The following STK3 variants were observed in gnomAD, a reference collection of about 807,000 sequenced individuals.
STK3 encodes the protein serine/threonine-protein kinase 3.
A neutral mutation model predicts 58.0 loss-of-function variants in STK3; 41 were observed. The ratio of observed to expected loss-of-function variants is 0.71; its 90% CI spans 0.55 to 0.92. The LOEUF (loss-of-function observed/expected upper bound fraction) is 0.92. Ranked by LOEUF, STK3 falls within the 40% of genes least tolerant of loss-of-function variation. STK3 has a pLI of 0.00. For missense variants in STK3, 479 were observed against 602.7 expected (o/e 0.79, Z 2.15); for synonymous variants, 170 against 191.0 (o/e 0.89, Z 0.91).
intron 1 of STK3, among the ~76,000 whole-genome samples, chr8:98,444,151 T>C (rs1249145750): frequency 6.6e-6 from 1 of 152,196 alleles, no homozygotes; most frequent in Non-Finnish European, 1.5e-5. Flanking sequence ...AGTAAGTAGA[T>C]ACCATAATGC....
At chr8:98,453,080 G>GTTTTT (rs919288019), downstream of STK3, among the ~76,000 whole-genome samples, 3 of 39,680 alleles carry the variant, frequency 7.6e-5, no homozygotes, top group Non-Finnish European at 1.4e-4. Context: ...TTTCTTTCTT[G>GTTTTT]TTTTTTTTTT....
At chr8:98,744,639 G>A (rs1040661145) in intron 4 of STK3, among the ~76,000 whole-genome samples, 2 of 150,040 alleles carry the variant, frequency 1.3e-5, no homozygotes, top group African/African-American at 4.9e-5. Flanking sequence ...GCTAAATGAC[G>A]AGTTAATGGG....
chr8:98,794,102 A>G (rs1313932206), intron 1 of STK3, among the ~76,000 whole-genome samples: 1 of 152,216 alleles, frequency 6.6e-6, no homozygotes, highest in Non-Finnish European at 1.5e-5. Flanking sequence ...ATCTCAAATC[A>G]ACAATCTATT....
intron 3 of STK3, among the ~76,000 whole-genome samples, chr8:98,857,882 G>A (rs189800045): frequency 1.2e-4 from 18 of 152,072 alleles, no homozygotes; most frequent in African/African-American, 4.3e-4. Flanking sequence ...ATTTTGATAG[G>A]AGGAGAATAA....
At chr8:98,772,089 T>A (rs887256669) in intron 2 of STK3, among the ~76,000 whole-genome samples, 1 of 152,242 alleles carries the variant, frequency 6.6e-6, no homozygotes, top group Non-Finnish European at 1.5e-5. Context: ...ATTCCATAGA[T>A]ACTGGCACAA....
intron 3 of STK3, among the ~76,000 whole-genome samples, chr8:98,421,761 G>A (rs1323336882): frequency 6.6e-6 from 1 of 152,066 alleles, no homozygotes; most frequent in Non-Finnish European, 1.5e-5. Context: ...GGGTGACAGA[G>A]GAAGACTCTG....
At chr8:98,924,954 A>T (rs1192895818) in intron 1 of STK3, among the ~76,000 whole-genome samples, 2 of 152,210 alleles carry the variant, frequency 1.3e-5, no homozygotes, top group Admixed American at 6.5e-5. Flanking sequence ...AAGGGAGAGG[A>T]CAAAATCCTC....
At chr8:98,726,611 C>T (rs1415091218) in intron 4 of STK3, among the ~76,000 whole-genome samples, 2 of 152,182 alleles carry the variant, frequency 1.3e-5, no homozygotes, top group Non-Finnish European at 2.9e-5. Flanking sequence ...ACTCATTCTC[C>T]TAAGATTCTA....
chr8:98,609,908 C>T lies in STK3; in HGVS notation c.685-13739G>A, dbSNP rs113135630. ...CTGGGAGGTGGAGCTTGCAGTGAGC[C>T]GAGATCAGAGATCGCACCACCGCAC... On this transcript the variant is annotated intron_variant, in intron 6 of 10. Transcript: ENST00000419617. 7.0e-3 allele frequency among the ~76,000 whole-genome samples: 1,048 copies of T among 149,806 alleles called. 9 individuals are homozygous for T. Among genetic ancestry groups the T allele is most frequent in the African/African-American group, 0.023 (954 of 40,690 alleles).
intron 4 of STK3, among the ~76,000 whole-genome samples, chr8:98,738,468 C>T (rs1333191690): frequency 2.6e-5 from 4 of 151,582 alleles, no homozygotes; most frequent in African/African-American, 7.3e-5. Flanking sequence ...AACGAAACTC[C>T]GACTCAAAAT....
chr8:98,599,034 G>A (rs974069530), intron 6 of STK3: 1 of 354,294 alleles, frequency 2.8e-6, no homozygotes, highest in African/African-American at 2.2e-5. Context: ...TCAGTGGAAT[G>A]AGTCAACACA....
intron 6 of STK3, among the ~76,000 whole-genome samples, chr8:98,645,934 T>C (rs928896467): frequency 3.9e-5 from 6 of 152,142 alleles, no homozygotes; most frequent in South Asian, 2.1e-4. Context: ...TCCCAAAGTG[T>C]TGGGATTACA....
intron 10 of STK3, among the ~76,000 whole-genome samples, chr8:98,466,533 A>G (rs1181486893): frequency 6.6e-6 from 1 of 152,128 alleles, no homozygotes; most frequent in Non-Finnish European, 1.5e-5. Context: ...TACAGTGGGG[A>G]AGGATGATGT....
At chr8:98,609,129 T>C (rs1164437476) in intron 6 of STK3, among the ~76,000 whole-genome samples, 1 of 152,192 alleles carries the variant, frequency 6.6e-6, no homozygotes, top group South Asian at 2.1e-4. Context: ...ACTACATCAC[T>C]GATTACCTAA....
intron 10 of STK3, among the ~76,000 whole-genome samples, chr8:98,479,828 C>T (rs1821705637): frequency 6.6e-6 from 1 of 152,102 alleles, no homozygotes; most frequent in Non-Finnish European, 1.5e-5. Flanking sequence ...ATAATTACTG[C>T]TGAGGTAAGA....
At chr8:98,937,326 G>A (rs1460821108) in intron 1 of STK3, among the ~76,000 whole-genome samples, 1 of 152,192 alleles carries the variant, frequency 6.6e-6, no homozygotes, top group Admixed American at 6.5e-5. Context: ...GGCATGAAGT[G>A]AAATAACATC....
chr8:98,503,365 C>A (rs979193000), intron 10 of STK3, among the ~76,000 whole-genome samples: 1 of 152,052 alleles, frequency 6.6e-6, no homozygotes, highest in African/African-American at 2.4e-5. Context: ...TGGGGATTCA[C>A]TGATTTTTTG....
At chr8:98,361,440 T>C in the STK3 span, among the ~76,000 whole-genome samples, 1 of 152,230 alleles carries the variant, frequency 6.6e-6, no homozygotes, top group East Asian at 1.9e-4. Context: ...ACCTGTGGGT[T>C]ATTTAACCTC....
chr8:98,867,037 T>G (rs146202257), intron 3 of STK3, among the ~76,000 whole-genome samples: 9 of 152,268 alleles, frequency 5.9e-5, no homozygotes, highest in African/African-American at 1.9e-4. Flanking sequence ...AAGGGTGATC[T>G]GGGCAGCACA....
Sources: allele counts gnomAD v4.1 joint callset (sites outside exome capture counted in the v4.1 genomes callset), GRCh38; gene constraint gnomAD v4.1.1; transcripts MANE v1.5; gene names NCBI Gene and HGNC (gene_info 2026-07-23, HGNC 2026-07-21).